RRP12: variants seen among roughly 807,000 people sequenced by gnomAD.
The protein encoded by RRP12 is ribosomal RNA processing 12 homolog.
RRP12 carries 78 observed loss-of-function variants against 157.3 expected under a neutral mutation model. The observed-to-expected ratio is 0.50, with a 90% CI of 0.41 to 0.60. The LOEUF (loss-of-function observed/expected upper bound fraction) is 0.60, where lower values mean the gene tolerates loss of function less well. RRP12 is among the 20% of genes least tolerant of loss of function. The probability of loss-of-function intolerance (pLI) is 0.00; values close to 1 mark genes in which losing one functional copy is unlikely to be tolerated. For missense variants in RRP12, 1,521 were observed against 1,679.9 expected (o/e 0.91, Z 1.65); for synonymous variants, 726 against 670.9 (o/e 1.08, Z -1.27).
intron 31 of RRP12, among the ~76,000 whole-genome samples, chr10:97,359,608 C>T (rs1386294008): frequency 1.3e-5 from 2 of 152,214 alleles, no homozygotes; most frequent in Admixed American, 1.3e-4. Context: ...TCCTACCATG[C>T]CAGCTCAGGA....
chr10:97,377,041 G>A (rs1844329401), intron 15 of RRP12, among the ~76,000 whole-genome samples: 1 of 151,798 alleles, frequency 6.6e-6, no homozygotes, highest in Admixed American at 6.6e-5. Context: ...CACCATGCCT[G>A]GCTAATTTTT....
intron 20 of RRP12, chr10:97,371,643 C>G (rs1393183800): frequency 5.8e-5 from 11 of 188,742 alleles, no homozygotes; most frequent in Non-Finnish European, 6.7e-5. Context: ...GGGTTGCTGG[C>G]CACAGCAGAG....
In RRP12 at chr10:97,373,136, A is replaced by G; in HGVS notation, c.2091T>C (p.Tyr697=). Residue 697 remains tyrosine, a synonymous_variant, in exon 18 of 34, where the codon TAT becomes TAC. Transcript: ENST00000370992. The part of the protein sequence containing the change: ...KNFLPILFNL[Y]GQPVAAGDTP... ...TGTCCCCGGCTGCCACGGGCTGCCC[A>G]TACAGGTTGAAGAGGATCGGCAGAA... The G allele has an allele frequency of 1.2e-6, 2 of 1,614,170 alleles. No homozygotes were observed. The highest frequency in any genetic ancestry group is 1.1e-5 in the South Asian group (1 of 91,086).
rs754960284 is a variant in RRP12 at position 97,371,009 on chromosome 10, C to T, written c.2416G>A (p.Gly806Arg). Residue 806 changes from glycine (G) to arginine (R), a missense_variant, in exon 21 of 34, where the codon GGG becomes AGG. By Grantham distance (125) the Gly-to-Arg change is moderately radical. Transcript: ENST00000370992. ...AGGTGGCTCTGCACGAAGAGGGCCC[C>T]GGGGCCCTGAGGACTGGCACACACC... ...EEVCASPQGP[G>R]ALFVQSHLED... 12 of 1,613,826 alleles carry T rather than the reference C, an allele frequency of 7.4e-6. No individual in the cohort carries two copies. The East Asian group carries it at 2.0e-4, about 27-fold the overall frequency.
intron 6 of RRP12, among the ~76,000 whole-genome samples, chr10:97,389,978 G>C (rs1198304774): frequency 6.6e-6 from 1 of 152,132 alleles, no homozygotes; most frequent in African/African-American, 2.4e-5. Context: ...CTCCCAAAGT[G>C]CTGGGATTAC....
chr10:97,370,515 C>T lies in RRP12; in HGVS notation c.2629G>A (p.Ala877Thr), dbSNP rs201584883. 10 of 1,606,906 alleles carry T rather than the reference C, an allele frequency of 6.2e-6. No individual in the cohort carries two copies. Among genetic ancestry groups the T allele is most frequent in the South Asian group, 4.4e-5 (4 of 90,712 alleles). Residue 877 changes from alanine (A) to threonine (T), a missense_variant, in exon 23 of 34, where the codon GCT (alanine) becomes ACT (threonine). By Grantham distance (58) the Ala-to-Thr change is moderately conservative (BLOSUM62 0). Coordinates refer to ENST00000370992, the MANE Select transcript of RRP12 (RefSeq NM_015179.4). The stretch of plus-strand genomic sequence containing the variant: ...CCCATCTCCACGAGCAGTGCAAAAG[C>T]GTTCTTCCGTGCGCCCACCGACACC... Reference protein sequence around the residue: ...KEVSVGARKNAFALLVEMGHA... With the variant: ...KEVSVGARKNTFALLVEMGHA...
chr10:97,366,526 CTCT>C lies in RRP12; in HGVS notation c.3308_3310del (p.Gln1103del), dbSNP rs755192039. 10 of 1,614,156 alleles carry C rather than the reference CTCT, an allele frequency of 6.2e-6. No homozygotes were observed. The South Asian group carries it at 1.1e-4, about 18-fold the overall frequency. ...GCCCTCTTTCAGCCATGCCCGGCTCCTCTGTCGTGCCAGCTTCCGCTGCTCCTT... is the reference window on the plus strand; with the variant it reads ...GCCCTCTTTCAGCCATGCCCGGCTCCGTCGTGCCAGCTTCCGCTGCTCCTT... On this transcript the variant is annotated inframe_deletion, in exon 28 of 34. Coordinates refer to ENST00000370992, the MANE Select transcript of RRP12 (RefSeq NM_015179.4).
At chr10:97,370,353 G>T (rs1388302113) in intron 23 of RRP12, 79 bp from the exon 24 acceptor site, 4 of 1,370,164 alleles carry the variant, frequency 2.9e-6, no homozygotes, top group East Asian at 2.4e-5. Context: ...GGAGCAGCCT[G>T]CCCAGGGCCA....
rs549179116 is a variant in RRP12 at position 97,371,017 on chromosome 10, T to C, written c.2408A>G (p.Gln803Arg). The change falls in exon 21 of 34, where the codon CAG becomes CGG. Residue 803 changes from glutamine (Q) to arginine (R), a missense_variant. Physicochemically the swap from Gln to Arg is conservative, Grantham distance 43 (BLOSUM62 1). Transcript: ENST00000370992. Reference protein sequence around the residue: ...RVLEEVCASPQGPGALFVQSH... With the variant: ...RVLEEVCASPRGPGALFVQSH... ...CTGCACGAAGAGGGCCCCGGGGCCCTGAGGACTGGCACACACCTCCTCCAG... is the reference window on the plus strand; with the variant it reads ...CTGCACGAAGAGGGCCCCGGGGCCCCGAGGACTGGCACACACCTCCTCCAG... 4 of 1,613,920 alleles carry C rather than the reference T, an allele frequency of 2.5e-6. No individual in the cohort carries two copies. The South Asian group carries it at 3.3e-5, about 13-fold the overall frequency.
chr10:97,382,058 C>T (rs1378497263), intron 10 of RRP12, among the ~76,000 whole-genome samples: 2 of 152,350 alleles, frequency 1.3e-5, no homozygotes, highest in Admixed American at 1.3e-4. Context: ...GAAGGGCATG[C>T]CTTCCCTAAC....
intron 6 of RRP12, 60 bp from the exon 7 acceptor site, chr10:97,388,684 G>T (rs1387059983): frequency 1.3e-6 from 2 of 1,590,460 alleles, no homozygotes; most frequent in Non-Finnish European, 1.7e-6. Flanking sequence ...CATCTTGGGT[G>T]TCCGGCACAA....
chr10:97,363,908 A>G lies in RRP12; in HGVS notation c.3518-5T>C, dbSNP rs1843906563. Reference sequence around the variant, plus strand: ...CAGCCATCTCTTCATCTTCGCCTGGAGCCAAAAAAGAGAGGCCCATGAGCG... The same window carrying G: ...CAGCCATCTCTTCATCTTCGCCTGGGGCCAAAAAAGAGAGGCCCATGAGCG... On this transcript the variant is annotated splice_region_variant and splice_polypyrimidine_tract_variant and intron_variant, in intron 29 of 33. Transcript: ENST00000370992. The G allele has an allele frequency of 1.9e-6, 3 of 1,613,528 alleles. No homozygotes were observed. Among genetic ancestry groups the G allele is most frequent in the South Asian group, 2.2e-5 (2 of 91,086 alleles).
intron 2 of RRP12, among the ~76,000 whole-genome samples, chr10:97,396,508 C>T (rs997458893): frequency 5.3e-5 from 8 of 152,160 alleles, no homozygotes; most frequent in African/African-American, 1.7e-4. Context: ...CCATGAGGTA[C>T]TAACCTTCTA....
chr10:97,395,969 C>T (rs1397250023), intron 3 of RRP12, among the ~76,000 whole-genome samples: 3 of 151,820 alleles, frequency 2.0e-5, no homozygotes, highest in Non-Finnish European at 2.9e-5. Context: ...AATTTGAAAC[C>T]AGCCTGGACA....
chr10:97,393,697 G>A lies in RRP12; in HGVS notation c.517C>T (p.Leu173Phe). Reference protein sequence around the residue: ...SLAAVAYLLNLVLKRVPSPVL... With the variant: ...SLAAVAYLLNFVLKRVPSPVL... ...GGCAGAACTCACCGCTTCAGGACAA[G>A]GTTCAGCAGGTAAGCAACGGCGGCC... The change falls in exon 4 of 34, where the codon CTT becomes TTT. Residue 173 changes from leucine (L) to phenylalanine (F), a missense_variant. By Grantham distance (22) the Leu-to-Phe change is conservative. Transcript: ENST00000370992. 6.2e-7 allele frequency: 1 copy of A among 1,614,034 alleles called. No individual in the cohort carries two copies. The highest frequency in any genetic ancestry group is 1.7e-5 in the Admixed American group (1 of 59,998).
intron 15 of RRP12, among the ~76,000 whole-genome samples, chr10:97,376,494 C>A (rs192383885): frequency 6.6e-6 from 1 of 152,004 alleles, no homozygotes; most frequent in Admixed American, 6.6e-5. Flanking sequence ...ATTACAGGCA[C>A]GAGCCACTGC....
At chr10:97,381,578 C>G in intron 11 of RRP12, 95 bp from the exon 12 acceptor site, 1 of 1,245,158 alleles carries the variant, frequency 8.0e-7, no homozygotes, top group East Asian at 2.5e-5. Flanking sequence ...TCTAAGAAAG[C>G]TTCGAAGAAA....
intron 15 of RRP12, among the ~76,000 whole-genome samples, chr10:97,378,077 T>C (rs965905540): frequency 2.6e-5 from 4 of 151,756 alleles, no homozygotes; most frequent in Non-Finnish European, 5.9e-5. Flanking sequence ...AGGAGTAAAC[T>C]AGAAGATAAA....
chr10:97,395,207 T>TATACATAC (rs112214269), intron 3 of RRP12, among the ~76,000 whole-genome samples: 1 of 149,856 alleles, frequency 6.7e-6, no homozygotes, highest in African/African-American at 2.5e-5. Context: ...TATACACATA[T>TATACATAC]ACACACACAC....
Sources: allele counts gnomAD v4.1 joint callset (sites outside exome capture counted in the v4.1 genomes callset), GRCh38; gene constraint gnomAD v4.1.1; transcripts MANE v1.5; gene names NCBI Gene and HGNC (gene_info 2026-07-23, HGNC 2026-07-21).